FGF12: variants seen among roughly 807,000 people sequenced by gnomAD.
FGF12 encodes fibroblast growth factor 12.
In FGF12, 14 loss-of-function variants were observed where a neutral mutation model predicts 23.6. The ratio of observed to expected loss-of-function variants is 0.59; its 90% CI spans 0.39 to 0.93. The LOEUF is 0.93. FGF12 is among the 40% of genes least tolerant of loss of function. The pLI is 0.00. For synonymous variants in FGF12, 62 were observed against 77.3 expected (o/e 0.80, Z 1.04); for missense variants, 175 against 217.8 (o/e 0.80, Z 1.24).
chr3:192,483,809 G>C (rs1441934138), intron 2 of FGF12, among the ~76,000 whole-genome samples: 1 of 152,074 alleles, frequency 6.6e-6, no homozygotes, highest in African/African-American at 2.4e-5. Flanking sequence ...TTTTATTTGT[G>C]GTAAAGGTAG....
At chr3:192,554,597 A>G (rs887187453) in intron 2 of FGF12, among the ~76,000 whole-genome samples, 2 of 152,134 alleles carry the variant, frequency 1.3e-5, no homozygotes, top group African/African-American at 4.8e-5. Flanking sequence ...GTTCATAAAA[A>G]CTGATATATA....
At chr3:192,334,953 C>A (rs1040448665) in intron 4 of FGF12, among the ~76,000 whole-genome samples, 2 of 152,038 alleles carry the variant, frequency 1.3e-5, no homozygotes, top group East Asian at 3.9e-4. Flanking sequence ...AAATTATGAA[C>A]GTTTTTTTCT....
intron 4 of FGF12, among the ~76,000 whole-genome samples, chr3:192,293,676 C>T (rs750926894): frequency 6.6e-6 from 1 of 152,178 alleles, no homozygotes; most frequent in Non-Finnish European, 1.5e-5. Context: ...ACCTTTCAAA[C>T]GTTCCTTCTT....
At chr3:192,716,233 C>T (rs1718861293) in intron 2 of FGF12, among the ~76,000 whole-genome samples, 1 of 152,158 alleles carries the variant, frequency 6.6e-6, no homozygotes, top group Non-Finnish European at 1.5e-5. Context: ...TGTTTTTGTA[C>T]ACACTTAAGT....
In FGF12 at chr3:192,645,767, TAAAAAAAAA is replaced by T. The variant is rs55809400; in HGVS notation, c.13+81405_13+81413del. On this transcript the variant is annotated intron_variant, in intron 2 of 5. Transcript: ENST00000445105. Reference sequence around the variant, plus strand: ...AGGATACAGCAGTTGACAAAACAGGTAAAAAAAAAAAAAAAAAAAAAAAAAAAAGTCTAG... The same window carrying T: ...AGGATACAGCAGTTGACAAAACAGGTAAAAAAAAAAAAAAAAAAAGTCTAG... 3.9e-3 allele frequency among the ~76,000 whole-genome samples: 275 copies of T among 71,068 alleles called. 7 individuals are homozygous for T. Among genetic ancestry groups the T allele is most frequent in the African/African-American group, 0.013 (249 of 19,796 alleles). 46.6% of individuals were successfully genotyped at this position (71,068 alleles called of 152,430 possible).
chr3:192,156,495 T>C (rs1714428809), intron 5 of FGF12, among the ~76,000 whole-genome samples: 1 of 152,192 alleles, frequency 6.6e-6, no homozygotes, highest in African/African-American at 2.4e-5. Context: ...TCCAACACAG[T>C]TTCAGTACCC....
intron 2 of FGF12, among the ~76,000 whole-genome samples, chr3:192,497,243 C>T (rs191720541): frequency 1.3e-3 from 199 of 152,292 alleles, no homozygotes; most frequent in Middle Eastern, 6.8e-3. Context: ...TTACTTGAGT[C>T]CTTTTTGAGG....
intron 2 of FGF12, among the ~76,000 whole-genome samples, chr3:192,371,609 A>C (rs889811791): frequency 1.3e-5 from 2 of 152,262 alleles, no homozygotes; most frequent in Non-Finnish European, 2.9e-5. Flanking sequence ...GTTAAACAGT[A>C]GCAATGGGCA....
intron 4 of FGF12, among the ~76,000 whole-genome samples, chr3:192,320,424 CAACA>C (rs1716475338): frequency 6.6e-6 from 1 of 152,116 alleles, no homozygotes; most frequent in South Asian, 2.1e-4. Context: ...GACAGAAAAT[CAACA>C]AAGAAATAAA....
intron 2 of FGF12, among the ~76,000 whole-genome samples, chr3:192,402,982 GT>G (rs1292547435): frequency 6.6e-6 from 1 of 152,144 alleles, no homozygotes; most frequent in Non-Finnish European, 1.5e-5. Context: ...TAACAAGGCT[GT>G]TTTGTGGAAT....
At chr3:192,614,790 T>C (rs2108642646) in intron 2 of FGF12, among the ~76,000 whole-genome samples, 1 of 152,112 alleles carries the variant, frequency 6.6e-6, no homozygotes, top group Non-Finnish European at 1.5e-5. Context: ...AGGTTTTCTG[T>C]GAGTTCCTGG....
intron 2 of FGF12, among the ~76,000 whole-genome samples, chr3:192,691,202 A>G (rs897865106): frequency 6.6e-6 from 1 of 152,162 alleles, no homozygotes; most frequent in Non-Finnish European, 1.5e-5. Flanking sequence ...AGCCATTTAC[A>G]GAACATTCTA....
At chr3:192,584,666 C>T (rs986760760) in intron 2 of FGF12, among the ~76,000 whole-genome samples, 1 of 152,166 alleles carries the variant, frequency 6.6e-6, no homozygotes. Flanking sequence ...AAATCTGATA[C>T]TCCTGTCTCC....
chr3:192,639,193 T>C (rs996057995), intron 2 of FGF12, among the ~76,000 whole-genome samples: 6 of 152,104 alleles, frequency 3.9e-5, no homozygotes, highest in Non-Finnish European at 8.8e-5. Flanking sequence ...AATAGGTATA[T>C]AAAAAGGTGC....
At chr3:192,304,952 A>G (rs369484655) in intron 4 of FGF12, among the ~76,000 whole-genome samples, 1 of 152,156 alleles carries the variant, frequency 6.6e-6, no homozygotes, top group South Asian at 2.1e-4. Context: ...ACAGTAGTAC[A>G]TGCTTAACAA....
At chr3:192,274,864 C>T (rs149645555) in intron 4 of FGF12, among the ~76,000 whole-genome samples, 1 of 152,098 alleles carries the variant, frequency 6.6e-6, no homozygotes, top group Non-Finnish European at 1.5e-5. Flanking sequence ...TTTCTTTATC[C>T]AACGATGCCA....
At chr3:192,213,259 G>A (rs182910128) in intron 4 of FGF12, among the ~76,000 whole-genome samples, 52 of 152,228 alleles carry the variant, frequency 3.4e-4, no homozygotes, top group Non-Finnish European at 7.1e-4. Context: ...ATCTGAAAGC[G>A]TCTCCAATTC....
intron 2 of FGF12, among the ~76,000 whole-genome samples, chr3:192,517,308 A>C (rs907647559): frequency 1.3e-5 from 2 of 152,258 alleles, no homozygotes; most frequent in African/African-American, 2.4e-5. Flanking sequence ...ATAAGGTGTT[A>C]TTACCAACTT....
intron 2 of FGF12, among the ~76,000 whole-genome samples, chr3:192,495,017 C>T (rs1006292251): frequency 3.9e-5 from 6 of 152,082 alleles, no homozygotes; most frequent in South Asian, 2.1e-4. Flanking sequence ...CCCGCCACCT[C>T]GCCCGGCCAA....
Sources: gnomAD v4.1 joint callset for allele counts (sites outside exome capture counted in the v4.1 genomes callset) on GRCh38, gnomAD v4.1.1 for gene constraint, MANE v1.5 for transcripts, NCBI Gene and HGNC (gene_info 2026-07-23, HGNC 2026-07-21) for gene names.